Variants in SCIN observed in about 807,000 individuals in gnomAD.
The protein encoded by SCIN is scinderin, also known as adseverin.
A neutral mutation model predicts 91.8 loss-of-function variants in SCIN; 91 were observed. The observed-to-expected ratio is 0.99, with a 90% CI of 0.84 to 1.18. The LOEUF (loss-of-function observed/expected upper bound fraction) is 1.18. Ranked by LOEUF, SCIN falls within the 50% of genes most tolerant of loss-of-function variation. The pLI, the probability that SCIN is intolerant of heterozygous loss-of-function variation, is 0.00. For synonymous variants in SCIN, 367 were observed against 312.6 expected, an observed-to-expected ratio of 1.17 and a Z score of -1.84; for missense variants, 1,087 against 863.9, an observed-to-expected ratio of 1.26 and a Z score of -3.24.
intron 1 of SCIN, among the ~76,000 whole-genome samples, chr7:12,572,331 G>A (rs1399292164): frequency 6.6e-6 from 1 of 152,162 alleles, no homozygotes; most frequent in Non-Finnish European, 1.5e-5. Flanking sequence ...TTATAATGTT[G>A]TAATACACAG....
chr7:12,622,620 A>C (rs1331678611), intron 4 of SCIN, among the ~76,000 whole-genome samples, 181 bp from the exon 5 acceptor site: 1 of 152,086 alleles, frequency 6.6e-6, no homozygotes, highest in African/African-American at 2.4e-5. Flanking sequence ...TACTTAATGC[A>C]ATTGATTGAT....
At position 12,656,548 on chromosome 7, in the gene SCIN, G is replaced by C. The variant is rs1056217440; in HGVS notation, c.*3833G>C. 3 of 152,076 alleles carry C rather than the reference G, an allele frequency of 2.0e-5. No homozygotes were observed. Among genetic ancestry groups the C allele is most frequent in the African/African-American group, 7.2e-5 (3 of 41,400 alleles). 9.4% of individuals were successfully genotyped at this position (152,076 alleles called of 1,614,324 possible). A position where few individuals can be genotyped will look rare whatever the true frequency, so the allele number is the denominator to read the frequency against. On this transcript the variant is annotated 3_prime_UTR_variant, in exon 16 of 16. Transcript: ENST00000297029. ...GAATTATCATTCATTCCGTGTTCTT[G>C]CTCTTGGATAAAACGGACAACTCAG...
chr7:12,603,866 T>G (rs1473474819), intron 3 of SCIN, among the ~76,000 whole-genome samples: 1 of 151,604 alleles, frequency 6.6e-6, no homozygotes, highest in African/African-American at 2.4e-5. Context: ...TTCCAAGGCC[T>G]CACCAATATA....
chr7:12,616,791 A>G (rs1484987402), intron 4 of SCIN, among the ~76,000 whole-genome samples: 1 of 152,192 alleles, frequency 6.6e-6, no homozygotes, highest in Non-Finnish European at 1.5e-5. Flanking sequence ...TTTATAATCA[A>G]GGACTAATGA....
chr7:12,580,985 C>T, intron 2 of SCIN, 75 bp from the exon 3 acceptor site: 1 of 1,450,226 alleles, frequency 6.9e-7, no homozygotes, highest in Non-Finnish European at 9.3e-7. Context: ...TATTATTGTG[C>T]TTTGCTTTGT....
At chr7:12,652,538 T>C (rs1219738766) in intron 15 of SCIN, 50 bp from the exon 16 acceptor site, 10 of 1,560,602 alleles carry the variant, frequency 6.4e-6, no homozygotes, top group Non-Finnish European at 8.7e-6. Flanking sequence ...GCAGTTACTT[T>C]AGTTTAACCC....
intron 10 of SCIN, among the ~76,000 whole-genome samples, chr7:12,637,637 G>A (rs1783778566): frequency 6.6e-6 from 1 of 151,930 alleles, no homozygotes; most frequent in South Asian, 2.1e-4. Context: ...GTAAGAAGGA[G>A]GAGAGAAGAG....
In SCIN at chr7:12,625,787, G is replaced by T. The variant is rs370586675; in HGVS notation, c.918G>T (p.Arg306Ser). 11 of 1,612,008 alleles carry T rather than the reference G, an allele frequency of 6.8e-6. No individual in the cohort carries two copies. Among genetic ancestry groups the T allele is most frequent in the Middle Eastern group, 1.6e-4 (1 of 6,072 alleles). ...GTAAAGATGCTAATCCCCAAGAGAGGAAGGCTGCAATGAAGACAGCTGAAG... is the reference window on the plus strand; with the variant it reads ...GTAAAGATGCTAATCCCCAAGAGAGTAAGGCTGCAATGAAGACAGCTGAAG... ...WKGKDANPQE[R>S]KAAMKTAEEF... Residue 306 changes from arginine (R) to serine (S), a missense_variant, in exon 7 of 16, where the codon AGG becomes AGT. Transcript: ENST00000297029.
At chr7:12,596,763 A>G (rs968318927) in intron 3 of SCIN, among the ~76,000 whole-genome samples, 1 of 152,082 alleles carries the variant, frequency 6.6e-6, no homozygotes, top group Non-Finnish European at 1.5e-5. Flanking sequence ...GTGCTACGCA[A>G]AGATCCCTCC....
chr7:12,592,814 T>G (rs1341945939), intron 3 of SCIN, among the ~76,000 whole-genome samples: 2 of 152,062 alleles, frequency 1.3e-5, no homozygotes, highest in East Asian at 3.9e-4. Context: ...GAGTGGGTCC[T>G]GAGAACTCAG....
chr7:12,621,745 A>G (rs935472228), intron 4 of SCIN, among the ~76,000 whole-genome samples: 2 of 150,998 alleles, frequency 1.3e-5, no homozygotes, highest in Admixed American at 1.3e-4. Flanking sequence ...TGATCACAGT[A>G]CAAATAAAAA....
At chr7:12,631,168 A>AT (rs1194640223) in intron 9 of SCIN, among the ~76,000 whole-genome samples, 1 of 152,226 alleles carries the variant, frequency 6.6e-6, no homozygotes, top group African/African-American at 2.4e-5. Flanking sequence ...TAAATGCTAA[A>AT]TTTGAGTTTT....
chr7:12,579,981 A>C, intron 2 of SCIN, among the ~76,000 whole-genome samples: 1 of 152,224 alleles, frequency 6.6e-6, no homozygotes, highest in Admixed American at 6.5e-5. Context: ...TATTCAACCA[A>C]GAAATGTAGC....
rs148823628 is a variant in SCIN, at chr7:12,654,064, T to C, written c.*1349T>C. The C allele has an allele frequency of 1.8e-3, 279 of 152,304 alleles. 13 individuals are homozygous for C. The East Asian group carries it at 0.049, about 27-fold the overall frequency. 9.4% of individuals were successfully genotyped at this position (152,304 alleles called of 1,614,324 possible). On this transcript the variant is annotated 3_prime_UTR_variant, in exon 16 of 16. Transcript: ENST00000297029. ...ACGTTAGAACCCATGGAAAGAACTT[T>C]GCCTCATGTAGAGATTCTAGATTCT... is the stretch of plus-strand genomic sequence containing the variant.
chr7:12,649,390 T>A (rs1047297880), intron 13 of SCIN, 77 bp from the exon 14 acceptor site: 2 of 815,644 alleles, frequency 2.5e-6, no homozygotes, highest in East Asian at 2.9e-5. Flanking sequence ...TCAAAAAAAA[T>A]ACAGGGCATT....
chr7:12,590,749 T>C (rs1311294663), intron 3 of SCIN, among the ~76,000 whole-genome samples: 1 of 152,140 alleles, frequency 6.6e-6, no homozygotes, highest in African/African-American at 2.4e-5. Flanking sequence ...CAACAGTGTA[T>C]AACTCCTGCT....
intron 5 of SCIN, among the ~76,000 whole-genome samples, chr7:12,624,007 G>A (rs1783462320): frequency 1.3e-5 from 2 of 152,108 alleles, no homozygotes; most frequent in South Asian, 2.1e-4. Context: ...AACCAAAACT[G>A]TTCTCCCTCC....
chr7:12,587,027 G>T (rs2115221307), intron 3 of SCIN, among the ~76,000 whole-genome samples: 1 of 152,142 alleles, frequency 6.6e-6, no homozygotes, highest in Non-Finnish European at 1.5e-5. Flanking sequence ...AGTGCTATGT[G>T]GTGAATACAG....
chr7:12,660,092 A>T lies in SCIN; in HGVS notation c.*7377A>T, dbSNP rs1279049951. The T allele has an allele frequency of 6.6e-6, 1 of 152,258 alleles. No homozygotes were observed. Among genetic ancestry groups the T allele is most frequent in the Non-Finnish European group, 1.5e-5 (1 of 68,138 alleles). The allele number at this position is 152,258 out of a possible 1,614,324, so 9.4% of individuals were successfully genotyped here. A position where few individuals can be genotyped will look rare whatever the true frequency, so the allele number is the denominator to read the frequency against. On this transcript the variant is annotated 3_prime_UTR_variant, in exon 16 of 16. Coordinates refer to ENST00000297029, the MANE Select transcript of SCIN (RefSeq NM_001112706.3). ...GCCTATCCCAAAACCTATAAGAACTAATGATAATCCCACCACCCTTTGCTG... is the reference window on the plus strand; with the variant it reads ...GCCTATCCCAAAACCTATAAGAACTTATGATAATCCCACCACCCTTTGCTG...
Sources: gnomAD v4.1 joint callset for allele counts (sites outside exome capture counted in the v4.1 genomes callset) on GRCh38, gnomAD v4.1.1 for gene constraint, MANE v1.5 for transcripts, NCBI Gene and HGNC (gene_info 2026-07-23, HGNC 2026-07-21) for gene names.